TACC2: variants seen among roughly 807,000 people sequenced by gnomAD.
The protein encoded by TACC2 is transforming acidic coiled-coil-containing protein 2.
Under a neutral mutation model 227.3 loss-of-function variants are expected in TACC2, and 137 were observed. The ratio of observed to expected loss-of-function variants is 0.60; its 90% CI spans 0.52 to 0.69. TACC2 has a LOEUF of 0.69. TACC2 is among the 30% of genes least tolerant of loss of function. The pLI is 0.00. For missense variants in TACC2, 3,470 were observed against 3,694.4 expected, an observed-to-expected ratio of 0.94 and a Z score of 1.57; for synonymous variants, 1,523 against 1,487.5, an observed-to-expected ratio of 1.02 and a Z score of -0.55.
At chr10:122,075,491 C>A (rs187146048) in intron 3 of TACC2, among the ~76,000 whole-genome samples, 2 of 152,320 alleles carry the variant, frequency 1.3e-5, no homozygotes, top group Admixed American at 1.3e-4. Context: ...CCCCATATCA[C>A]CACTCGGAGA....
intron 1 of TACC2, among the ~76,000 whole-genome samples, chr10:122,005,759 C>T (rs970082648): frequency 6.7e-6 from 1 of 148,298 alleles, no homozygotes; most frequent in Non-Finnish European, 1.5e-5. Context: ...AATAGCACGA[C>T]CTTGGCTTAC....
chr10:122,106,658 C>G (rs1346158821), intron 5 of TACC2, among the ~76,000 whole-genome samples: 2 of 152,206 alleles, frequency 1.3e-5, no homozygotes, highest in Non-Finnish European at 2.9e-5. Flanking sequence ...GTCTTTCATT[C>G]CTTTCTGAAG....
chr10:122,095,323 C>G (rs1219665365), intron 5 of TACC2, among the ~76,000 whole-genome samples: 8 of 152,224 alleles, frequency 5.3e-5, no homozygotes. Flanking sequence ...GCTCTGTGAT[C>G]CTGGGGCCAT....
chr10:122,028,717 T>C (rs1345609627), intron 2 of TACC2, among the ~76,000 whole-genome samples: 2 of 149,820 alleles, frequency 1.3e-5, no homozygotes, highest in Admixed American at 1.3e-4. Context: ...TGTATACCCT[T>C]CCTTCCTTCC....
Position 122,088,526 on chromosome 10 carries a change from G to A in TACC2, c.5508G>A (p.Lys1836=), listed in dbSNP as rs751385080. 75 of 1,613,754 alleles carry A rather than the reference G, an allele frequency of 4.6e-5. No individual in the cohort carries two copies. The highest frequency in any genetic ancestry group is 5.8e-5 in the Non-Finnish European group (68 of 1,179,944). ...GPSMLPSVPK[K]DAPRVMDKVT... is the part of the protein sequence containing the mutation. The stretch of plus-strand genomic sequence containing the variant: ...CCATGTTACCTTCGGTTCCTAAGAA[G>A]GATGCTCCAAGAGTCATGGATAAAG... The change falls in exon 5 of 23, where the codon AAG becomes AAA. Residue 1836 remains lysine (K), a synonymous_variant. Coordinates refer to ENST00000369005, the MANE Select transcript of TACC2 (RefSeq NM_206862.4).
intron 7 of TACC2, 64 bp downstream of exon 7, chr10:122,143,770 C>A: frequency 6.4e-7 from 1 of 1,562,852 alleles, no homozygotes; most frequent in Non-Finnish European, 8.7e-7. Context: ...TGGTCTCTGC[C>A]CCCTAGGTCT....
In TACC2 at chr10:122,238,027, A is replaced by T. The variant is rs978317426; in HGVS notation, c.8338A>T (p.Met2780Leu). Residue 2780 changes from methionine to leucine, a missense_variant, in exon 18 of 23, where the codon ATG (methionine) becomes TTG (leucine). Met to Leu is a conservative substitution (Grantham distance 15). Coordinates refer to ENST00000369005, the MANE Select transcript of TACC2 (RefSeq NM_206862.4). ...DKYEESRREV[M>L]EMRKIVAEYE... The stretch of plus-strand genomic sequence containing the variant: ...ATATGAAGAAAGCAGGCGGGAAGTG[A>T]TGGAAATGAGGTCAGTTGGGGAGCT... The T allele has an allele frequency of 1.1e-5, 18 of 1,613,946 alleles. No individual in the cohort carries two copies. Among genetic ancestry groups the T allele is most frequent in the Non-Finnish European group, 1.1e-5 (13 of 1,179,970 alleles).
chr10:122,147,944 A>T (rs527289897), intron 7 of TACC2, among the ~76,000 whole-genome samples: 1 of 152,160 alleles, frequency 6.6e-6, no homozygotes, highest in South Asian at 2.1e-4. Context: ...GCTTTCAACC[A>T]TGCGGCCATG....
intron 15 of TACC2, among the ~76,000 whole-genome samples, chr10:122,230,060 G>C (rs952613036): frequency 6.6e-6 from 1 of 152,134 alleles, no homozygotes; most frequent in Non-Finnish European, 1.5e-5. Context: ...AAAAGGGAAA[G>C]AAATGAAAGA....
intron 8 of TACC2, among the ~76,000 whole-genome samples, chr10:122,195,577 AG>A (rs2094539443): frequency 6.6e-6 from 1 of 152,166 alleles, no homozygotes; most frequent in African/African-American, 2.4e-5. Context: ...GCGGGGATAG[AG>A]AGGTAGACAT....
chr10:122,112,762 T>G (rs1377700171), intron 5 of TACC2, among the ~76,000 whole-genome samples: 3 of 152,230 alleles, frequency 2.0e-5, no homozygotes, highest in Non-Finnish European at 2.9e-5. Flanking sequence ...CAGAGACTCC[T>G]GGAAGTCTGC....
chr10:122,013,205 A>G (rs1209343876), intron 1 of TACC2, among the ~76,000 whole-genome samples: 2 of 152,108 alleles, frequency 1.3e-5, no homozygotes, highest in African/African-American at 2.4e-5. Flanking sequence ...AATTTTCTAC[A>G]TCAAAATTTC....
intron 1 of TACC2, among the ~76,000 whole-genome samples, chr10:122,012,917 C>G (rs1956128458): frequency 6.6e-6 from 1 of 152,176 alleles, no homozygotes; most frequent in South Asian, 2.1e-4. Context: ...GGCCACGGTG[C>G]TGCTCATAGA....
At chr10:122,192,894 A>G (rs573823171) in intron 7 of TACC2, 9 of 409,376 alleles carry the variant, frequency 2.2e-5, no homozygotes, top group Admixed American at 1.5e-4. Context: ...CACCCGGGGC[A>G]GCACCCAGGG....
chr10:122,013,683 C>G (rs1011271805), intron 1 of TACC2, among the ~76,000 whole-genome samples: 1 of 152,196 alleles, frequency 6.6e-6, no homozygotes, highest in Non-Finnish European at 1.5e-5. Flanking sequence ...CCCGACTGCC[C>G]GAGCCCTCTG....
intron 5 of TACC2, among the ~76,000 whole-genome samples, chr10:122,118,138 C>G (rs1291230613): frequency 6.6e-6 from 1 of 151,954 alleles, no homozygotes; most frequent in Non-Finnish European, 1.5e-5. Context: ...CTTCAGCCTC[C>G]CAAGTAGCTG....
intron 1 of TACC2, chr10:122,019,930 G>A (rs1377301434): frequency 3.3e-5 from 5 of 152,212 alleles, no homozygotes; most frequent in Non-Finnish European, 7.3e-5. Flanking sequence ...TCTTGGGAAA[G>A]CCGGAGAGGG....
At chr10:122,033,172 T>C (rs1959178140) in intron 2 of TACC2, 1 of 1,287,300 alleles carries the variant, frequency 7.8e-7, no homozygotes, top group African/African-American at 1.5e-5. Context: ...GAATGTGCTG[T>C]TCTGCATGGC....
chr10:122,052,348 C>T (rs922433489), intron 3 of TACC2: 1 of 152,040 alleles, frequency 6.6e-6, no homozygotes, highest in Admixed American at 6.6e-5. Flanking sequence ...TGCTTGTTCC[C>T]CAGCTTTAGT....
Sources: allele counts gnomAD v4.1 joint callset (sites outside exome capture counted in the v4.1 genomes callset), GRCh38; gene constraint gnomAD v4.1.1; transcripts MANE v1.5; gene names NCBI Gene and HGNC (gene_info 2026-07-23, HGNC 2026-07-21).